ESCO2: variants seen among roughly 807,000 people sequenced by gnomAD.
The protein encoded by ESCO2 is N-acetyltransferase ESCO2.
A neutral mutation model predicts 61.7 loss-of-function variants in ESCO2; 51 were observed. The observed-to-expected ratio is 0.83, with a 90% CI of 0.66 to 1.04. The LOEUF is 1.04. Among genes scored for constraint, ESCO2 ranks in the 50% least tolerant of loss-of-function variants. The probability of loss-of-function intolerance (pLI) is 0.00; values close to 1 mark genes in which losing one functional copy is unlikely to be tolerated. For missense variants in ESCO2, 692 were observed against 686.2 expected (o/e 1.01, Z -0.09); for synonymous variants, 230 against 238.2 (o/e 0.97, Z 0.32).
At chr8:27,808,053 G>C (rs772727778), downstream of ESCO2, 1 of 196,920 alleles carries the variant, frequency 5.1e-6, no homozygotes, top group Non-Finnish European at 1.0e-5. Context: ...TGGTATTTTT[G>C]TTATAGTAGT....
At position 27,804,775 on chromosome 8, in the gene ESCO2, T is replaced by G. The variant is rs886856166; in HGVS notation, c.*1337T>G. The G allele has an allele frequency of 3.6e-5, 35 of 982,740 alleles. No homozygotes were observed. Among genetic ancestry groups the G allele is most frequent in the Non-Finnish European group, 4.2e-5 (35 of 827,482 alleles). 60.9% of individuals were successfully genotyped at this position (982,740 alleles called of 1,614,324 possible). A position where few individuals can be genotyped will look rare whatever the true frequency, so the allele number is the denominator to read the frequency against. Reference sequence around the variant, plus strand: ...TGTGGAAGTATTAAAATGTATGTAATTATGCAAACATTTTAATGCTATTTT... The same window carrying G: ...TGTGGAAGTATTAAAATGTATGTAAGTATGCAAACATTTTAATGCTATTTT... On this transcript the variant is annotated 3_prime_UTR_variant, in exon 11 of 11. Coordinates refer to ENST00000305188, the MANE Select transcript of ESCO2 (RefSeq NM_001017420.3).
downstream of ESCO2, among the ~76,000 whole-genome samples, chr8:27,813,336 T>C (rs996249224): frequency 6.6e-6 from 1 of 151,992 alleles, no homozygotes; most frequent in African/African-American, 2.4e-5. Context: ...GGGGGAGGGA[T>C]AGCATTAGGA....
chr8:27,790,585 G>A (rs1179815500), intron 7 of ESCO2, among the ~76,000 whole-genome samples: 1 of 151,928 alleles, frequency 6.6e-6, no homozygotes, highest in Non-Finnish European at 1.5e-5. Flanking sequence ...TAGCTAGTTT[G>A]TGACCTTTGG....
downstream of ESCO2, among the ~76,000 whole-genome samples, chr8:27,808,624 G>A (rs901760757): frequency 1.3e-5 from 2 of 148,862 alleles, no homozygotes; most frequent in African/African-American, 5.0e-5. Flanking sequence ...GGTTGAGACT[G>A]CAGTGAGCCA....
downstream of ESCO2, chr8:27,812,219 C>CTAGT (rs1465320079): frequency 6.6e-6 from 1 of 152,126 alleles, no homozygotes; most frequent in Non-Finnish European, 1.5e-5. Flanking sequence ...CCTTCTATTT[C>CTAGT]TAGTTAGCTG....
chr8:27,776,628 C>A lies in ESCO2; in HGVS notation c.320C>A (p.Ser107Tyr), dbSNP rs1412663950. The part of the protein sequence containing the change: ...LERKLIKESR[S>Y]TCLKTNDEDK... ...AGAAAGCTGATAAAAGAGAGTAGAT[C>A]TACTTGTCTAAAAACTAATGATGAA... Residue 107 changes from serine (S) to tyrosine (Y), a missense_variant, in exon 3 of 11, where the codon TCT (serine) becomes TAT (tyrosine). By Grantham distance (144) the Ser-to-Tyr change is moderately radical. Transcript: ENST00000305188. 6 of 1,613,888 alleles carry A rather than the reference C, an allele frequency of 3.7e-6. No individual in the cohort carries two copies. The highest frequency in any genetic ancestry group is 5.1e-6 in the Non-Finnish European group (6 of 1,180,012).
Position 27,787,875 on chromosome 8 carries a change from C to A in ESCO2, c.1014-10C>A, listed in dbSNP as rs1317160868. The A allele has an allele frequency of 1.3e-6, 2 of 1,590,738 alleles. No homozygotes were observed. Among genetic ancestry groups the A allele is most frequent in the Admixed American group, 3.3e-5 (2 of 59,974 alleles). On this transcript the variant is annotated splice_polypyrimidine_tract_variant and intron_variant, in intron 5 of 10. Transcript: ENST00000305188. Reference sequence around the variant, plus strand: ...TTGTAAATTTATATATATCAACTTTCTGTGTCAAGATCTTTAGGTGAAGAA... The same window carrying A: ...TTGTAAATTTATATATATCAACTTTATGTGTCAAGATCTTTAGGTGAAGAA...
At chr8:27,811,210 G>A (rs904544433), downstream of ESCO2, 7 of 1,208,790 alleles carry the variant, frequency 5.8e-6, no homozygotes, top group African/African-American at 3.0e-5. Context: ...GGAAACAGGC[G>A]AACGATTTGA....
intron 10 of ESCO2, among the ~76,000 whole-genome samples, chr8:27,801,729 C>T (rs1011531843): frequency 6.6e-6 from 1 of 152,082 alleles, no homozygotes; most frequent in African/African-American, 2.4e-5. Flanking sequence ...CTATTAAGTT[C>T]AACATTTACC....
chr8:27,791,651 C>T (rs1805177932), intron 7 of ESCO2, among the ~76,000 whole-genome samples: 1 of 152,162 alleles, frequency 6.6e-6, no homozygotes, highest in South Asian at 2.1e-4. Flanking sequence ...GAACTCCTGA[C>T]CTCAAGTGAT....
At chr8:27,787,496 C>G (rs1319597663) in intron 5 of ESCO2, among the ~76,000 whole-genome samples, 2 of 151,956 alleles carry the variant, frequency 1.3e-5, no homozygotes, top group Non-Finnish European at 2.9e-5. Flanking sequence ...CTCCAGTACC[C>G]CAGGAATTTC....
rs575870539 is a variant in ESCO2, at chr8:27,783,629, A to G, written c.956-371A>G. Among the ~76,000 whole-genome samples, 4 of 152,268 alleles carry G rather than the reference A, an allele frequency of 2.6e-5. No individual in the cohort carries two copies. The South Asian group carries it at 6.2e-4, about 24-fold the overall frequency. On this transcript the variant is annotated intron_variant, in intron 4 of 10. Coordinates refer to ENST00000305188, the MANE Select transcript of ESCO2 (RefSeq NM_001017420.3). ...TTATTATTAATTTTTTTACAGAGAC[A>G]CAGTCTCACTAAGTTGCCCAGACTG...
upstream of ESCO2, chr8:27,772,390 G>C: frequency 1.1e-6 from 1 of 922,664 alleles, no homozygotes; most frequent in Non-Finnish European, 1.7e-6. Flanking sequence ...GAGAGGCCGC[G>C]GGAAGAGGCA....
In ESCO2 at chr8:27,804,901, C is replaced by A; in HGVS notation, c.*1463C>A. On this transcript the variant is annotated 3_prime_UTR_variant, in exon 11 of 11. Coordinates refer to ENST00000305188, the MANE Select transcript of ESCO2 (RefSeq NM_001017420.3). ...ATCAATTAAAATTCTTTATTTTATA[C>A]AACTAAATCTGATTTTAATTATTTT... 2.6e-6 allele frequency: 1 copy of A among 386,690 alleles called. No homozygotes were observed. Among genetic ancestry groups the A allele is most frequent in the South Asian group, 1.1e-4 (1 of 9,338 alleles). 24.0% of individuals were successfully genotyped at this position (386,690 alleles called of 1,614,324 possible). A position where few individuals can be genotyped will look rare whatever the true frequency, so the allele number is the denominator to read the frequency against.
chr8:27,816,526 G>A (rs1232488868), downstream of ESCO2, among the ~76,000 whole-genome samples: 3 of 151,222 alleles, frequency 2.0e-5, no homozygotes, highest in Admixed American at 1.3e-4. Context: ...ACAGCTGCCC[G>A]CCACCACGCC....
chr8:27,810,515 G>T (rs778323580), downstream of ESCO2: 1 of 1,521,668 alleles, frequency 6.6e-7, no homozygotes, highest in Non-Finnish European at 9.1e-7. Context: ...GAAGGAGTTA[G>T]AGATTGAAAC....
rs547119760 is a variant in ESCO2 at position 27,776,434 on chromosome 8, A to C, written c.126A>C (p.Lys42Asn). 3 of 1,607,160 alleles carry C rather than the reference A, an allele frequency of 1.9e-6. No homozygotes were observed. Among genetic ancestry groups the C allele is most frequent in the East Asian group, 4.5e-5 (2 of 44,846 alleles). Residue 42 changes from lysine to asparagine, a missense_variant, in exon 3 of 11, where the codon AAA (lysine) becomes AAC (asparagine). Physicochemically the swap from Lys to Asn is moderately conservative, Grantham distance 94. Transcript: ENST00000305188. ...ACTGTTTTTATCAAAACAGTGATAA[A>C]AATGAAGAAAACCTGCATTGCTCTC... is the stretch of plus-strand genomic sequence containing the variant. ...KKHCFYQNSD[K>N]NEENLHCSQQ...
At position 27,803,506 on chromosome 8, in the gene ESCO2, A is replaced by G. The variant is rs1281882092; in HGVS notation, c.*68A>G. 7.6e-6 allele frequency: 12 copies of G among 1,579,046 alleles called. No individual in the cohort carries two copies. The East Asian group carries it at 2.6e-4, about 34-fold the overall frequency. ...AAAGAGCTCCTTATTATAAAATACA[A>G]ACTATTTAATATCAAAATAAAAAAT... is the stretch of plus-strand genomic sequence containing the variant. On this transcript the variant is annotated 3_prime_UTR_variant, in exon 11 of 11. Transcript: ENST00000305188.
At chr8:27,799,418 A>T in intron 9 of ESCO2, 123 bp from the exon 10 acceptor site, 1 of 1,021,902 alleles carries the variant, frequency 9.8e-7, no homozygotes, top group Non-Finnish European at 1.5e-6. Flanking sequence ...GAAATAGAAA[A>T]TATTTTTTAA....
Sources: gnomAD v4.1 joint callset for allele counts (sites outside exome capture counted in the v4.1 genomes callset) on GRCh38, gnomAD v4.1.1 for gene constraint, MANE v1.5 for transcripts, NCBI Gene and HGNC (gene_info 2026-07-23, HGNC 2026-07-21) for gene names.